The following AKAP19 variants were observed in gnomAD, a reference collection of about 807,000 sequenced individuals.
AKAP19 encodes the protein A-kinase anchoring protein 19, also known as small A-kinase anchoring protein.
chr2:190,038,141 CTGAG>C, the AKAP19 span, among the ~76,000 whole-genome samples: 1 of 152,180 alleles, frequency 6.6e-6, no homozygotes, highest in Non-Finnish European at 1.5e-5. Flanking sequence ...TCCCTGTTGA[CTGAG>C]TGTCCTACAG....
the AKAP19 span, among the ~76,000 whole-genome samples, chr2:189,880,755 T>C: frequency 6.6e-6 from 1 of 152,234 alleles, no homozygotes; most frequent in East Asian, 1.9e-4. Context: ...TCACACTCTT[T>C]ACAGTACCTA....
chr2:189,995,676 C>A, the AKAP19 span, among the ~76,000 whole-genome samples: 1 of 151,192 alleles, frequency 6.6e-6, no homozygotes, highest in Non-Finnish European at 1.5e-5. Context: ...GCCTGAATAC[C>A]TTGTGTGTTT....
the AKAP19 span, among the ~76,000 whole-genome samples, chr2:190,064,711 A>G: frequency 6.6e-6 from 1 of 152,190 alleles, no homozygotes; most frequent in African/African-American, 2.4e-5. Context: ...ATTATGCTCC[A>G]CATGAACTAG....
chr2:190,192,487 T>TGTGTGTGTGTGTGTGTGTGTGTGC, the AKAP19 span, among the ~76,000 whole-genome samples: 1 of 151,680 alleles, frequency 6.6e-6, no homozygotes, highest in African/African-American at 2.4e-5. Context: ...TGTGTGTGTG[T>TGTGTGTGTGTGTGTGTGTGTGTGC]GTGTATCTAT....
the AKAP19 span, among the ~76,000 whole-genome samples, chr2:190,072,941 AC>A: frequency 6.6e-6 from 1 of 152,194 alleles, no homozygotes; most frequent in Non-Finnish European, 1.5e-5. Context: ...TAGAAAATGA[AC>A]CATAAAATAG....
the AKAP19 span, among the ~76,000 whole-genome samples, chr2:190,171,070 T>C: frequency 6.6e-6 from 1 of 152,138 alleles, no homozygotes; most frequent in East Asian, 1.9e-4. Flanking sequence ...GTAATTTAGT[T>C]CAAAACCAGG....
the AKAP19 span, among the ~76,000 whole-genome samples, chr2:190,172,531 T>C: frequency 6.6e-6 from 1 of 152,186 alleles, no homozygotes; most frequent in South Asian, 2.1e-4. Context: ...ACCCATCATT[T>C]TTTCAAATCT....
At chr2:190,120,936 A>G in the AKAP19 span, among the ~76,000 whole-genome samples, 44 of 152,298 alleles carry the variant, frequency 2.9e-4, no homozygotes, top group Middle Eastern at 3.4e-3. Context: ...GATCTGACAT[A>G]TAGTAGGTTC....
the AKAP19 span, among the ~76,000 whole-genome samples, chr2:189,933,836 T>A: frequency 1.4e-4 from 22 of 152,252 alleles, no homozygotes; most frequent in Non-Finnish European, 2.6e-4. Context: ...ATTTTGTCAC[T>A]TTTGGACTAC....
chr2:190,180,751 C>T, the AKAP19 span: 1,312 of 985,294 alleles, frequency 1.3e-3, no homozygotes, highest in Non-Finnish European at 1.5e-3. The surrounding 1 kb of genome is among the most constrained non-coding windows in gnomAD (Gnocchi z 6.8). Flanking sequence ...GGGCGGCCAT[C>T]TGGAGGCCAG....
At chr2:189,896,955 G>T in the AKAP19 span, among the ~76,000 whole-genome samples, 1 of 151,998 alleles carries the variant, frequency 6.6e-6, no homozygotes, top group Non-Finnish European at 1.5e-5. Context: ...AATCAGTAAT[G>T]CAATATGATG....
At chr2:189,884,908 C>T in the AKAP19 span, among the ~76,000 whole-genome samples, 1 of 152,072 alleles carries the variant, frequency 6.6e-6, no homozygotes, top group South Asian at 2.1e-4. Flanking sequence ...AATCCTGAAG[C>T]GCTAGATTCC....
the AKAP19 span, among the ~76,000 whole-genome samples, chr2:190,176,229 G>A: frequency 6.6e-6 from 1 of 152,204 alleles, no homozygotes; most frequent in African/African-American, 2.4e-5. The surrounding 1 kb of genome is among the most constrained non-coding windows in gnomAD (Gnocchi z 4.7). Flanking sequence ...TAAACAAGAA[G>A]AGGTCTTTCC....
chr2:189,929,804 G>T, the AKAP19 span, among the ~76,000 whole-genome samples: 1 of 150,866 alleles, frequency 6.6e-6, no homozygotes, highest in South Asian at 2.1e-4. Context: ...TACTTTTTTT[G>T]TGTGTGCCAG....
the AKAP19 span, among the ~76,000 whole-genome samples, chr2:190,077,049 T>C: frequency 6.6e-6 from 1 of 152,126 alleles, no homozygotes; most frequent in African/African-American, 2.4e-5. Context: ...CAGTATCTAA[T>C]TGCCTATTAA....
the AKAP19 span, among the ~76,000 whole-genome samples, chr2:189,936,990 G>T: frequency 6.6e-6 from 1 of 151,980 alleles, no homozygotes; most frequent in Non-Finnish European, 1.5e-5. Flanking sequence ...AAAAATGTAT[G>T]TGGGCATAAT....
At chr2:190,142,416 A>G in the AKAP19 span, among the ~76,000 whole-genome samples, 9 of 152,154 alleles carry the variant, frequency 5.9e-5, no homozygotes, top group African/African-American at 2.2e-4. Flanking sequence ...TTGCTCTCCA[A>G]TATTTATGAG....
At chr2:190,085,396 T>A in the AKAP19 span, among the ~76,000 whole-genome samples, 1 of 152,194 alleles carries the variant, frequency 6.6e-6, no homozygotes, top group African/African-American at 2.4e-5. Flanking sequence ...TTAACACCGC[T>A]TCTGTGAGAA....
chr2:190,106,336 G>A, the AKAP19 span, among the ~76,000 whole-genome samples: 1 of 152,132 alleles, frequency 6.6e-6, no homozygotes, highest in Non-Finnish European at 1.5e-5. Context: ...TGTCAGCCTT[G>A]TAAAATATAT....
Sources: gnomAD v4.1 joint callset for allele counts (sites outside exome capture counted in the v4.1 genomes callset) on GRCh38, gnomAD v4.1.1 for gene constraint, Gnocchi (gnomAD v3.1) non-coding constraint, MANE v1.5 for transcripts, NCBI Gene and HGNC (gene_info 2026-07-23, HGNC 2026-07-21) for gene names.